The following SLC1A1 variants were observed in gnomAD, a reference collection of about 807,000 sequenced individuals.
SLC1A1 encodes solute carrier family 1 member 1, also known as excitatory amino acid transporter 3.
Under a neutral mutation model 53.3 loss-of-function variants are expected in SLC1A1, and 43 were observed. The observed-to-expected ratio is 0.81, with a 90% CI of 0.63 to 1.04. The LOEUF (loss-of-function observed/expected upper bound fraction) is 1.04, where lower values mean the gene tolerates loss of function less well. Among genes scored for constraint, SLC1A1 ranks in the 50% least tolerant of loss-of-function variants. The probability of loss-of-function intolerance (pLI) is 0.00; values close to 1 mark genes in which losing one functional copy is unlikely to be tolerated. For synonymous variants in SLC1A1, 307 were observed against 243.2 expected (o/e 1.26, Z -2.44); for missense variants, 748 against 664.9 (o/e 1.12, Z -1.37).
At chr9:4,536,045 A>G (rs1445852804) in intron 1 of SLC1A1, among the ~76,000 whole-genome samples, 2 of 152,206 alleles carry the variant, frequency 1.3e-5, no homozygotes, top group Non-Finnish European at 2.9e-5. Flanking sequence ...AAATTAATAC[A>G]AGATGGATGA....
At chr9:4,492,554 T>C (rs1189988426) in intron 1 of SLC1A1, among the ~76,000 whole-genome samples, 8 of 151,784 alleles carry the variant, frequency 5.3e-5, no homozygotes, top group African/African-American at 1.9e-4. Flanking sequence ...ATCCCAATAT[T>C]TTGGGAGGCC....
intron 1 of SLC1A1, among the ~76,000 whole-genome samples, chr9:4,493,701 G>C (rs1439412146): frequency 6.6e-6 from 1 of 152,210 alleles, no homozygotes; most frequent in Non-Finnish European, 1.5e-5. Context: ...TCAGGAGTTT[G>C]AGACCAGCCT....
chr9:4,530,165 A>T (rs1277697373), intron 1 of SLC1A1, among the ~76,000 whole-genome samples: 1 of 152,058 alleles, frequency 6.6e-6, no homozygotes, highest in African/African-American at 2.4e-5. Context: ...AGAAAATATA[A>T]AACAGTGGAA....
chr9:4,521,381 G>C (rs911695146), intron 1 of SLC1A1, among the ~76,000 whole-genome samples: 1 of 152,180 alleles, frequency 6.6e-6, no homozygotes, highest in African/African-American at 2.4e-5. Context: ...TTTGTTTGGA[G>C]AGGGTTTTAC....
intron 6 of SLC1A1, among the ~76,000 whole-genome samples, chr9:4,571,813 T>A (rs1324170806): frequency 1.3e-5 from 2 of 152,174 alleles, no homozygotes; most frequent in African/African-American, 4.8e-5. Context: ...CTGGTAAGTA[T>A]TCTGTACTTC....
intron 1 of SLC1A1, among the ~76,000 whole-genome samples, chr9:4,512,659 T>C (rs929541130): frequency 1.3e-5 from 2 of 152,142 alleles, no homozygotes; most frequent in East Asian, 3.8e-4. Context: ...GGTGAAAAGG[T>C]AGACATGGCA....
chr9:4,501,762 C>G (rs112573065), intron 1 of SLC1A1, among the ~76,000 whole-genome samples: 1 of 145,736 alleles, frequency 6.9e-6, no homozygotes, highest in Non-Finnish European at 1.5e-5. Flanking sequence ...TAAACTCCAT[C>G]TCCAAAACAA....
chr9:4,583,020 G>A lies in SLC1A1; in HGVS notation c.1194-18G>A. On this transcript the variant is annotated intron_variant, in intron 10 of 11. Transcript: ENST00000262352. This position sits in a 1 kb window ranked among gnomAD's most constrained non-coding sequence, Gnocchi z 4.6. The stretch of plus-strand genomic sequence containing the variant: ...GAGGTAAGTGTCTAACTCCTTTCCT[G>A]CTGGTATGTTTCTGCAGTATCACGG... 2 of 1,614,192 alleles carry A rather than the reference G, an allele frequency of 1.2e-6. No individual in the cohort carries two copies. Among genetic ancestry groups the A allele is most frequent in the Non-Finnish European group, 1.7e-6 (2 of 1,180,018 alleles).
At chr9:4,566,462 T>C (rs1819497183) in intron 5 of SLC1A1, among the ~76,000 whole-genome samples, 2 of 152,212 alleles carry the variant, frequency 1.3e-5, no homozygotes, top group Non-Finnish European at 2.9e-5. Context: ...AAAAGGTAGC[T>C]CTCTATCTCC....
intron 1 of SLC1A1, among the ~76,000 whole-genome samples, chr9:4,542,429 T>A (rs1368105301): frequency 6.6e-6 from 1 of 152,192 alleles, no homozygotes; most frequent in Non-Finnish European, 1.5e-5. Flanking sequence ...TGACCCTACA[T>A]TAATTTAGCA....
intron 1 of SLC1A1, among the ~76,000 whole-genome samples, chr9:4,517,011 C>T (rs544434773): frequency 9.0e-4 from 137 of 152,300 alleles, no homozygotes; most frequent in African/African-American, 2.8e-3. Flanking sequence ...CGAAGCTGGC[C>T]ATGTGACTTT....
intron 1 of SLC1A1, among the ~76,000 whole-genome samples, chr9:4,512,666 G>A (rs990346622): frequency 3.9e-5 from 6 of 152,104 alleles, no homozygotes; most frequent in African/African-American, 1.4e-4. Context: ...AGGTAGACAT[G>A]GCAAAAACTG....
At chr9:4,577,744 G>T (rs938002861) in intron 10 of SLC1A1, among the ~76,000 whole-genome samples, 5 of 152,148 alleles carry the variant, frequency 3.3e-5, no homozygotes, top group Admixed American at 2.0e-4. Flanking sequence ...CAAAGTGCCG[G>T]GATTATAGGT....
chr9:4,539,357 T>C (rs1189830218), intron 1 of SLC1A1, among the ~76,000 whole-genome samples: 3 of 152,210 alleles, frequency 2.0e-5, no homozygotes, highest in African/African-American at 7.2e-5. Context: ...TCCTGAACAA[T>C]ATTTTTTTTA....
intron 1 of SLC1A1, among the ~76,000 whole-genome samples, chr9:4,509,879 G>C (rs146301656): frequency 1.2e-3 from 184 of 152,302 alleles, no homozygotes; most frequent in African/African-American, 4.2e-3. Context: ...TGTCCCCCAG[G>C]CTGGAGTGCA....
intron 7 of SLC1A1, among the ~76,000 whole-genome samples, 192 bp from the exon 8 acceptor site, chr9:4,573,715 G>A (rs542828180): frequency 6.6e-6 from 1 of 152,236 alleles, no homozygotes; most frequent in Admixed American, 6.5e-5. Context: ...GGTGCACACA[G>A]GTACTAAAAA....
At chr9:4,521,883 A>G (rs531394572) in intron 1 of SLC1A1, among the ~76,000 whole-genome samples, 1 of 152,106 alleles carries the variant, frequency 6.6e-6, no homozygotes, top group East Asian at 1.9e-4. Context: ...TGTTGATTGA[A>G]CCATACCTTA....
At chr9:4,496,235 G>A (rs1403725344) in intron 1 of SLC1A1, among the ~76,000 whole-genome samples, 17 of 152,094 alleles carry the variant, frequency 1.1e-4, no homozygotes, top group Admixed American at 9.8e-4. Flanking sequence ...TGAGAGGCTC[G>A]GGGGCAGGAG....
intron 1 of SLC1A1, among the ~76,000 whole-genome samples, chr9:4,517,731 T>C (rs993334942): frequency 4.6e-5 from 7 of 152,144 alleles, no homozygotes; most frequent in African/African-American, 1.2e-4. Context: ...ACCTAGATTT[T>C]TAGTTTCTCT....
Sources: gnomAD v4.1 joint callset for allele counts (sites outside exome capture counted in the v4.1 genomes callset) on GRCh38, gnomAD v4.1.1 for gene constraint, Gnocchi (gnomAD v3.1) non-coding constraint, MANE v1.5 for transcripts, NCBI Gene and HGNC (gene_info 2026-07-23, HGNC 2026-07-21) for gene names.